The following GFOD1 variants were observed in gnomAD, a reference collection of about 807,000 sequenced individuals.
The protein encoded by GFOD1 is glucose-fructose oxidoreductase domain-containing protein 1.
A neutral mutation model predicts 25.4 loss-of-function variants in GFOD1; 9 were observed. That is an observed-to-expected ratio of 0.35 (90% CI 0.21 to 0.62). The LOEUF (loss-of-function observed/expected upper bound fraction) is 0.62. Among genes scored for constraint, GFOD1 ranks in the 20% least tolerant of loss-of-function variants. The pLI is 0.72. For missense variants in GFOD1, 403 were observed against 556.9 expected, an observed-to-expected ratio of 0.72 and a Z score of 2.78; for synonymous variants, 253 against 245.6, an observed-to-expected ratio of 1.03 and a Z score of -0.28.
intron 1 of GFOD1, among the ~76,000 whole-genome samples, chr6:13,484,466 G>A (rs1278582433): frequency 1.3e-5 from 2 of 152,090 alleles, no homozygotes; most frequent in African/African-American, 4.8e-5. Context: ...CTGTGCACTC[G>A]CAGGGGCACC....
At chr6:13,390,784 G>GAAGGAAGGAAGGAAGGAAGGAAGGAAGA (rs1785583751) in intron 1 of GFOD1, among the ~76,000 whole-genome samples, 2 of 125,242 alleles carry the variant, frequency 1.6e-5, no homozygotes, top group Non-Finnish European at 3.6e-5. Context: ...AGAGAGAAAG[G>GAAGGAAGGAAGGAAGGAAGGAAGGAAGA]AAGGAAGGAA....
chr6:13,476,560 T>C (rs572602139), intron 1 of GFOD1, among the ~76,000 whole-genome samples: 1 of 152,296 alleles, frequency 6.6e-6, no homozygotes, highest in South Asian at 2.1e-4. Context: ...TATTGTGAAA[T>C]AAAAAGAATG....
intron 1 of GFOD1, chr6:13,469,762 A>G: frequency 8.7e-7 from 1 of 1,146,508 alleles, no homozygotes; most frequent in Non-Finnish European, 1.1e-6. Context: ...AGAATCAATG[A>G]CACATGATAT....
rs1785507663 is a variant in GFOD1, at chr6:13,387,842, T to A, written c.254-22180A>T. ...AAGTCAAATTGTCTCTGTTTGCAGA[T>A]GACATGATTGTATATTTAGAAAACC... On this transcript the variant is annotated intron_variant, in intron 1 of 1. Coordinates refer to ENST00000379287, the MANE Select transcript of GFOD1 (RefSeq NM_018988.4). 3.3e-5 allele frequency among the ~76,000 whole-genome samples: 5 copies of A among 152,230 alleles called. No individual in the cohort carries two copies. The South Asian group carries it at 1.0e-3, about 32-fold the overall frequency.
In GFOD1 at chr6:13,364,408, G is replaced by C; in HGVS notation, c.*335C>G. On this transcript the variant is annotated 3_prime_UTR_variant, in exon 2 of 2. Coordinates refer to ENST00000379287, the MANE Select transcript of GFOD1 (RefSeq NM_018988.4). The surrounding 1 kb of genome is among the most constrained non-coding windows in gnomAD (Gnocchi z 4.1). ...GAAGGCCAAGGTGTGTGGGATGGAT[G>C]AGGTAGGGAGGGAAGCAACCCCTCC... is the stretch of plus-strand genomic sequence containing the variant. 3.4e-6 allele frequency: 1 copy of C among 293,808 alleles called. No homozygotes were observed. The highest frequency in any genetic ancestry group is 6.5e-6 in the Non-Finnish European group (1 of 154,708). The allele number at this position is 293,808 out of a possible 1,614,324, so 18.2% of individuals were successfully genotyped here.
chr6:13,475,183 T>C (rs1201661137), intron 1 of GFOD1, among the ~76,000 whole-genome samples: 2 of 152,156 alleles, frequency 1.3e-5, no homozygotes, highest in African/African-American at 2.4e-5. Context: ...AATAAACACA[T>C]GAAAAGCTGT....
intron 1 of GFOD1, among the ~76,000 whole-genome samples, chr6:13,387,012 A>G (rs1382332185): frequency 6.6e-6 from 1 of 151,800 alleles, no homozygotes; most frequent in African/African-American, 2.4e-5. Flanking sequence ...ATAGATGATT[A>G]GACCAACGAT....
At chr6:13,449,578 T>C (rs997389246) in intron 1 of GFOD1, among the ~76,000 whole-genome samples, 3 of 152,202 alleles carry the variant, frequency 2.0e-5, no homozygotes, top group Admixed American at 1.3e-4. Flanking sequence ...TTCCCATAAT[T>C]CCCATGTGTT....
intron 1 of GFOD1, among the ~76,000 whole-genome samples, chr6:13,481,038 C>T (rs1758739796): frequency 6.6e-6 from 1 of 152,126 alleles, no homozygotes; most frequent in Non-Finnish European, 1.5e-5. Context: ...TAAGGGTACC[C>T]TGGTGAACCA....
intron 1 of GFOD1, among the ~76,000 whole-genome samples, chr6:13,446,345 G>A (rs1249588053): frequency 6.6e-6 from 1 of 152,304 alleles, no homozygotes; most frequent in East Asian, 1.9e-4. Flanking sequence ...AGGAGAATGA[G>A]GGGGAAAGCA....
chr6:13,482,472 C>T (rs914165089), intron 1 of GFOD1, among the ~76,000 whole-genome samples: 18 of 152,236 alleles, frequency 1.2e-4, no homozygotes, highest in Non-Finnish European at 1.6e-4. Flanking sequence ...ACAGGCCAGG[C>T]GTAGTGGCTC....
rs562139845 is a variant in GFOD1 at position 13,456,748 on chromosome 6, C to T, written c.253+29890G>A. On this transcript the variant is annotated intron_variant, in intron 1 of 1. Transcript: ENST00000379287. ...TAGAGTGGGCGGCCTGCACGCTGCT[C>T]GTCTTGGCCCCGCACAGATCTGTCT... Among the ~76,000 whole-genome samples the T allele has an allele frequency of 2.0e-5, 3 of 152,294 alleles. No individual in the cohort carries two copies. The South Asian group carries it at 6.2e-4, about 32-fold the overall frequency.
chr6:13,418,607 T>TCA (rs1432635336), intron 1 of GFOD1, among the ~76,000 whole-genome samples: 3 of 152,200 alleles, frequency 2.0e-5, no homozygotes, highest in Admixed American at 6.5e-5. Context: ...CTTTAAGGAA[T>TCA]CACCCGAAGC....
At chr6:13,379,427 G>C (rs937995306) in intron 1 of GFOD1, among the ~76,000 whole-genome samples, 9 of 152,188 alleles carry the variant, frequency 5.9e-5, no homozygotes, top group Non-Finnish European at 1.3e-4. Flanking sequence ...CATGAGAATG[G>C]AGGAAGGTGG....
At chr6:13,424,003 C>A (rs1202760476) in intron 1 of GFOD1, among the ~76,000 whole-genome samples, 1 of 152,120 alleles carries the variant, frequency 6.6e-6, no homozygotes, top group African/African-American at 2.4e-5. Context: ...GGATTACAGG[C>A]ATGTGCCATC....
chr6:13,416,496 G>A (rs1394742063), intron 1 of GFOD1, among the ~76,000 whole-genome samples: 1 of 152,200 alleles, frequency 6.6e-6, no homozygotes, highest in Non-Finnish European at 1.5e-5. Context: ...AAGGAATGAT[G>A]AGAAGAAGCT....
At chr6:13,435,616 A>T (rs1469146974) in intron 1 of GFOD1, among the ~76,000 whole-genome samples, 8 of 152,180 alleles carry the variant, frequency 5.3e-5, no homozygotes, top group Non-Finnish European at 4.4e-5. Flanking sequence ...GCTGGTTGGT[A>T]AACAGCTACT....
intron 1 of GFOD1, among the ~76,000 whole-genome samples, chr6:13,406,325 TACC>T (rs1191020176): frequency 6.6e-6 from 1 of 152,220 alleles, no homozygotes; most frequent in Non-Finnish European, 1.5e-5. Context: ...GCTGTTTGTT[TACC>T]ACATTACATA....
At chr6:13,445,968 G>C (rs1757996182) in intron 1 of GFOD1, among the ~76,000 whole-genome samples, 1 of 152,182 alleles carries the variant, frequency 6.6e-6, no homozygotes, top group Admixed American at 6.5e-5. Flanking sequence ...GAAGGAGAGT[G>C]CTGGGTGGCA....
Sources: allele counts gnomAD v4.1 joint callset (sites outside exome capture counted in the v4.1 genomes callset), GRCh38; gene constraint gnomAD v4.1.1; non-coding constraint Gnocchi (gnomAD v3.1); transcripts MANE v1.5; gene names NCBI Gene and HGNC (gene_info 2026-07-23, HGNC 2026-07-21).